The following ARHGEF10 variants were observed in gnomAD, a reference collection of about 807,000 sequenced individuals.
ARHGEF10 encodes the protein Rho guanine nucleotide exchange factor (GEF) 10.
In ARHGEF10, 140 loss-of-function variants were observed where a neutral mutation model predicts 147.4. The observed-to-expected ratio is 0.95, with a 90% CI of 0.83 to 1.09. The LOEUF (loss-of-function observed/expected upper bound fraction) is 1.09. Among genes scored for constraint, ARHGEF10 ranks in the 50% least tolerant of loss-of-function variants. ARHGEF10 has a pLI of 0.00. For synonymous variants in ARHGEF10, 902 were observed against 695.8 expected (o/e 1.30, Z -4.67); for missense variants, 2,222 against 1,752.7 (o/e 1.27, Z -4.78).
At chr8:1,827,679 A>C (rs1038905250) in intron 1 of ARHGEF10, among the ~76,000 whole-genome samples, 12 of 152,108 alleles carry the variant, frequency 7.9e-5, no homozygotes, top group African/African-American at 2.9e-4. Context: ...TTGTTGTATC[A>C]TTAGAGTAAA....
intron 13 of ARHGEF10, among the ~76,000 whole-genome samples, chr8:1,895,463 T>C (rs1809893627): frequency 6.6e-6 from 1 of 152,216 alleles, no homozygotes; most frequent in South Asian, 2.1e-4. Context: ...CTATAAATGC[T>C]TTGAATAAAT....
At chr8:1,939,811 G>GGCTTA (rs1355150193) in intron 26 of ARHGEF10, among the ~76,000 whole-genome samples, 9 of 152,340 alleles carry the variant, frequency 5.9e-5, no homozygotes, top group Admixed American at 2.6e-4. Context: ...TCAGCTCCCG[G>GGCTTA]GGACTGGGGG....
At chr8:1,882,410 G>A (rs1195982056) in intron 9 of ARHGEF10, among the ~76,000 whole-genome samples, 1 of 152,192 alleles carries the variant, frequency 6.6e-6, no homozygotes, top group Admixed American at 6.5e-5. Context: ...CATAAATGGG[G>A]CAGGGAACAT....
At chr8:1,891,861 T>C (rs1316008505) in intron 11 of ARHGEF10, among the ~76,000 whole-genome samples, 1 of 151,918 alleles carries the variant, frequency 6.6e-6, no homozygotes, top group Non-Finnish European at 1.5e-5. Flanking sequence ...GGTTTTGTTT[T>C]TGTATTTTAA....
At chr8:1,889,422 GGGT>G (rs1809188858) in intron 11 of ARHGEF10, among the ~76,000 whole-genome samples, 1 of 63,882 alleles carries the variant, frequency 1.6e-5, no homozygotes, top group Admixed American at 1.7e-4. Flanking sequence ...ACACTGAGTG[GGGT>G]GAGGGGTCTG....
intron 14 of ARHGEF10, among the ~76,000 whole-genome samples, chr8:1,897,423 C>T (rs1451716008): frequency 1.3e-5 from 2 of 150,338 alleles, no homozygotes; most frequent in Non-Finnish European, 3.0e-5. Context: ...GGGCTCTGTC[C>T]TAAGGGATCG....
intron 11 of ARHGEF10, among the ~76,000 whole-genome samples, chr8:1,887,164 G>C (rs1808736385): frequency 6.6e-6 from 1 of 152,214 alleles, no homozygotes; most frequent in Admixed American, 6.5e-5. Flanking sequence ...GAGGAACTTG[G>C]ATCCTGCACT....
At chr8:1,931,125 T>G (rs1393979142) in intron 25 of ARHGEF10, among the ~76,000 whole-genome samples, 1 of 152,176 alleles carries the variant, frequency 6.6e-6, no homozygotes, top group Non-Finnish European at 1.5e-5. Context: ...GGCTTTCCCG[T>G]CCTGTCTCTG....
At chr8:1,891,828 G>A (rs765589440) in intron 11 of ARHGEF10, among the ~76,000 whole-genome samples, 1 of 151,990 alleles carries the variant, frequency 6.6e-6, no homozygotes, top group African/African-American at 2.4e-5. Flanking sequence ...ATCACGTGCA[G>A]TAGCCATGAA....
At chr8:1,894,330 A>C in intron 12 of ARHGEF10, 63 bp from the exon 13 acceptor site, 1 of 1,588,794 alleles carries the variant, frequency 6.3e-7, no homozygotes, top group Non-Finnish European at 8.6e-7. Flanking sequence ...ACCCTGGACA[A>C]CAAAACAAGA....
chr8:1,861,870 T>C (rs916201627), intron 4 of ARHGEF10, among the ~76,000 whole-genome samples: 2 of 152,246 alleles, frequency 1.3e-5, no homozygotes, highest in African/African-American at 4.8e-5. Flanking sequence ...ACGTTTGTTT[T>C]AAAGTGATTT....
intron 11 of ARHGEF10, among the ~76,000 whole-genome samples, chr8:1,892,592 A>G (rs1204269076): frequency 6.6e-6 from 1 of 151,488 alleles, no homozygotes; most frequent in Non-Finnish European, 1.5e-5. Flanking sequence ...AGCATAATCC[A>G]GGGCTGCAGG....
chr8:1,872,462 C>T (rs770093038), intron 7 of ARHGEF10, among the ~76,000 whole-genome samples: 2 of 152,214 alleles, frequency 1.3e-5, no homozygotes, highest in African/African-American at 2.4e-5. Flanking sequence ...AAGGTTGATG[C>T]TACATTTCCT....
intron 7 of ARHGEF10, among the ~76,000 whole-genome samples, chr8:1,874,221 C>T (rs997923224): frequency 6.6e-6 from 1 of 152,218 alleles, no homozygotes; most frequent in African/African-American, 2.4e-5. Context: ...GGGGTCACAA[C>T]AGCAATTGCG....
rs776692115 is a variant in ARHGEF10 at position 1,869,208 on chromosome 8, A to C, written c.637A>C (p.Ile213Leu). The C allele has an allele frequency of 6.2e-7, 1 of 1,613,906 alleles. No individual in the cohort carries two copies. Among genetic ancestry groups the C allele is most frequent in the African/African-American group, 1.3e-5 (1 of 74,928 alleles). ...TAWMENPEEAIYDDVPRENSD... is the reference protein window; with the variant it reads ...TAWMENPEEALYDDVPRENSD... ...GTTTATTGCAGATCCAGAGGAAGCA[A>C]TTTACGATGACGTTCCAAGGGAAAA... is the stretch of plus-strand genomic sequence containing the variant. Residue 213 changes from isoleucine (I) to leucine (L), a missense_variant, in exon 7 of 29, where the codon ATT (isoleucine) becomes CTT (leucine). Coordinates refer to ENST00000349830, the MANE Select transcript of ARHGEF10 (RefSeq NM_014629.4).
chr8:1,830,000 G>C (rs1242106844), intron 1 of ARHGEF10, among the ~76,000 whole-genome samples: 1 of 152,174 alleles, frequency 6.6e-6, no homozygotes, highest in Non-Finnish European at 1.5e-5. Context: ...AGAGGGTTAG[G>C]TTCTCCAGTG....
chr8:1,953,499 G>A (rs1429667510), intron 28 of ARHGEF10, among the ~76,000 whole-genome samples: 4 of 152,256 alleles, frequency 2.6e-5, no homozygotes, highest in East Asian at 3.8e-4. Flanking sequence ...ACACAGTCCC[G>A]TTAGGGATTG....
intron 8 of ARHGEF10, among the ~76,000 whole-genome samples, chr8:1,878,389 A>G (rs955310381): frequency 1.3e-5 from 2 of 151,820 alleles, no homozygotes; most frequent in Non-Finnish European, 2.9e-5. Context: ...GTTTCACCAT[A>G]TTGGCCAGGC....
Position 1,888,131 on chromosome 8 carries a change from TTGCGAGGAGACA to T in ARHGEF10, c.1182+2425_1182+2436del, listed in dbSNP as rs1563233479. ...AGGAGACACTTAGTGGGGTGAGGGT[TTGCGAGGAGACA>T]CTTAGTGGGGCGAGGGTTGCGAGGA... On this transcript the variant is annotated intron_variant, in intron 11 of 28. Coordinates refer to ENST00000349830, the MANE Select transcript of ARHGEF10 (RefSeq NM_014629.4). 1.8e-4 allele frequency among the ~76,000 whole-genome samples: 6 copies of T among 34,248 alleles called. No individual in the cohort carries two copies. In the African/African-American group the frequency reaches 2.8e-3, roughly 16 times the overall value. The allele number at this position is 34,248 out of a possible 152,430, so 22.5% of individuals were successfully genotyped here. A position where few individuals can be genotyped will look rare whatever the true frequency, so the allele number is the denominator to read the frequency against.
Sources: gnomAD v4.1 joint callset for allele counts (sites outside exome capture counted in the v4.1 genomes callset) on GRCh38, gnomAD v4.1.1 for gene constraint, MANE v1.5 for transcripts, NCBI Gene and HGNC (gene_info 2026-07-23, HGNC 2026-07-21) for gene names.